GFM1: variants seen among roughly 807,000 people sequenced by gnomAD.
GFM1 encodes G elongation factor mitochondrial 1.
In GFM1, 62 loss-of-function variants were observed where a neutral mutation model predicts 96.2. The ratio of observed to expected loss-of-function variants is 0.64; its 90% CI spans 0.53 to 0.80. The LOEUF is 0.80. Ranked by LOEUF, GFM1 falls within the 30% of genes least tolerant of loss-of-function variation. The pLI is 0.00. For missense variants in GFM1, 852 were observed against 916.6 expected, an observed-to-expected ratio of 0.93 and a Z score of 0.91; for synonymous variants, 282 against 312.9, an observed-to-expected ratio of 0.90 and a Z score of 1.04.
chr3:158,669,973 T>TA (rs1197138648), intron 13 of GFM1, among the ~76,000 whole-genome samples: 2 of 152,222 alleles, frequency 1.3e-5, no homozygotes. Context: ...CCATTACTCT[T>TA]ACTCTTTGCT....
chr3:158,681,000 G>A (rs1725331638), intron 13 of GFM1, among the ~76,000 whole-genome samples: 1 of 152,112 alleles, frequency 6.6e-6, no homozygotes, highest in African/African-American at 2.4e-5. Flanking sequence ...GTTGACAAAT[G>A]GAAAACATGA....
In GFM1 at chr3:158,687,031, C is replaced by A. The variant is rs140121809; in HGVS notation, c.1909+2363C>A. On this transcript the variant is annotated intron_variant, in intron 15 of 17. Coordinates refer to ENST00000486715, the MANE Select transcript of GFM1 (RefSeq NM_024996.7). ...TACTTTTCTATTTTTGAGACAGGTT[C>A]TTGCTCTGTCACCCAGGCTGGAGTG... Among the ~76,000 whole-genome samples, 504 of 152,200 alleles carry A rather than the reference C, an allele frequency of 3.3e-3. 3 individuals carry two copies. Among genetic ancestry groups the A allele is most frequent in the African/African-American group, 0.011 (465 of 41,534 alleles).
intron 11 of GFM1, among the ~76,000 whole-genome samples, chr3:158,664,310 C>T (rs758754889): frequency 6.6e-6 from 1 of 152,202 alleles, no homozygotes; most frequent in Non-Finnish European, 1.5e-5. Context: ...GATAGCTGTT[C>T]TCAAAGGGCT....
chr3:158,678,196 A>G (rs1183462960), intron 13 of GFM1, among the ~76,000 whole-genome samples: 1 of 152,204 alleles, frequency 6.6e-6, no homozygotes, highest in African/African-American at 2.4e-5. Flanking sequence ...GGAGATGTAC[A>G]AAGAGATTAA....
Position 158,681,545 on chromosome 3 carries a change from TAATGCCCAAGGAATAAA to T in GFM1, c.1602-448_1602-432del, listed in dbSNP as rs554044868. Among the ~76,000 whole-genome samples, 856 of 152,276 alleles carry T rather than the reference TAATGCCCAAGGAATAAA, an allele frequency of 5.6e-3. 14 individuals carry two copies. The highest frequency in any genetic ancestry group is 0.02 in the African/African-American group (827 of 41,562). On this transcript the variant is annotated intron_variant, in intron 13 of 17. Transcript: ENST00000486715. ...CCTTTTCTTGTATTGCCTGAGTCTA[TAATGCCCAAGGAATAAA>T]ATCAAATAGGAACTATCTGAATAAA...
chr3:158,667,341 G>C (rs959584261), intron 13 of GFM1, among the ~76,000 whole-genome samples: 2 of 152,088 alleles, frequency 1.3e-5, no homozygotes, highest in African/African-American at 4.8e-5. Context: ...AAGTTGTGGT[G>C]GCTACTTAAG....
At chr3:158,684,902 G>C in intron 15 of GFM1, 1 of 443,152 alleles carries the variant, frequency 2.3e-6, no homozygotes, top group Non-Finnish European at 4.0e-6. Context: ...TTTCTTTCAT[G>C]TATTTGAATT....
chr3:158,649,047 A>T lies in GFM1; in HGVS notation c.579A>T (p.Lys193Asn). 1 of 1,454,976 alleles carries T rather than the reference A, an allele frequency of 6.9e-7. No individual in the cohort carries two copies. The highest frequency in any genetic ancestry group is 9.7e-7 in the Non-Finnish European group (1 of 1,035,342). 90.1% of individuals were successfully genotyped at this position (1,454,976 alleles called of 1,614,324 possible). A position where few individuals can be genotyped will look rare whatever the true frequency, so the allele number is the denominator to read the frequency against. The change falls in exon 5 of 18, where the codon AAA becomes AAT. Residue 193 changes from lysine to asparagine, a missense_variant. By Grantham distance (94) the Lys-to-Asn change is moderately conservative. Coordinates refer to ENST00000486715, the MANE Select transcript of GFM1 (RefSeq NM_024996.7). ...GTGTATTTTTATTTTTCAGGTCTAA[A>T]CTAAATCATAATGCAGCGTTTATGC... The part of the protein sequence containing the change: ...PARALQQMRS[K>N]LNHNAAFMQI...
chr3:158,645,633 A>G lies in GFM1; in HGVS notation c.86A>G (p.Asn29Ser). Residue 29 changes from asparagine (N) to serine (S), a missense_variant, in exon 2 of 18, where the codon AAT becomes AGT. Asn to Ser is a conservative substitution (Grantham distance 46, BLOSUM62 1). Coordinates refer to ENST00000486715, the MANE Select transcript of GFM1 (RefSeq NM_024996.7). Reference sequence around the variant, plus strand: ...GAGCTCTCGTATTTTTTTCAGGTTAATTGGAAGGCCTGCCGATGGTCTTCA... The same window carrying G: ...GAGCTCTCGTATTTTTTTCAGGTTAGTTGGAAGGCCTGCCGATGGTCTTCA... ...ASLGWQRKQV[N>S]WKACRWSSSG... 6.2e-7 allele frequency: 1 copy of G among 1,612,630 alleles called. No homozygotes were observed. Among genetic ancestry groups the G allele is most frequent in the Non-Finnish European group, 8.5e-7 (1 of 1,178,680 alleles).
At position 158,674,710 on chromosome 3, in the gene GFM1, C is replaced by G. The variant is rs549964826; in HGVS notation, c.1602-7285C>G. 4.6e-5 allele frequency among the ~76,000 whole-genome samples: 7 copies of G among 152,242 alleles called. No individual in the cohort carries two copies. The South Asian group carries it at 1.5e-3, about 32-fold the overall frequency. ...ATGGCTTATATTTAAGCTTTTTCCT[C>G]TCTCCTTGAAAAGAAAAGATAATTA... On this transcript the variant is annotated intron_variant, in intron 13 of 17. Coordinates refer to ENST00000486715, the MANE Select transcript of GFM1 (RefSeq NM_024996.7).
intron 15 of GFM1, 54 bp from the exon 16 acceptor site, chr3:158,690,109 G>A (rs1726181968): frequency 6.2e-6 from 9 of 1,453,676 alleles, no homozygotes; most frequent in Non-Finnish European, 8.7e-6. Context: ...TATCTGGACA[G>A]AAGAGTTGTA....
At chr3:158,661,732 G>C (rs1723213330) in intron 10 of GFM1, among the ~76,000 whole-genome samples, 2 of 152,160 alleles carry the variant, frequency 1.3e-5, no homozygotes, top group Non-Finnish European at 2.9e-5. Flanking sequence ...TGAGTACATA[G>C]GGTGACAGGT....
At position 158,645,934 on chromosome 3, in the gene GFM1, G is replaced by C. The variant is rs1411499999; in HGVS notation, c.234+153G>C. 4 of 860,566 alleles carry C rather than the reference G, an allele frequency of 4.6e-6. No homozygotes were observed. In the East Asian group the frequency reaches 7.7e-5, roughly 17 times the overall value. The allele number at this position is 860,566 out of a possible 1,614,324, so 53.3% of individuals were successfully genotyped here. A position where few individuals can be genotyped will look rare whatever the true frequency, so the allele number is the denominator to read the frequency against. On this transcript the variant is annotated intron_variant, in intron 2 of 17. Transcript: ENST00000486715. ...CTTATCTGAAAGTTGCTTAAGTTAA[G>C]TATCTGTGTTCTGGTTTTATTTTTA... is the stretch of plus-strand genomic sequence containing the variant.
intron 11 of GFM1, among the ~76,000 whole-genome samples, chr3:158,663,841 A>C (rs1490371043): frequency 6.6e-6 from 1 of 152,220 alleles, no homozygotes; most frequent in Non-Finnish European, 1.5e-5. Context: ...GTATGCATTA[A>C]AAAGTTTAAA....
chr3:158,676,591 A>G (rs1323557854), intron 13 of GFM1, among the ~76,000 whole-genome samples: 1 of 152,056 alleles, frequency 6.6e-6, no homozygotes, highest in East Asian at 1.9e-4. Flanking sequence ...AAACAGACAT[A>G]CCTCATTTTA....
At chr3:158,674,096 T>C (rs1008474677) in intron 13 of GFM1, among the ~76,000 whole-genome samples, 3 of 151,418 alleles carry the variant, frequency 2.0e-5, no homozygotes, top group Admixed American at 6.6e-5. Flanking sequence ...TTTTTTTTTT[T>C]TGGAGACAGA....
chr3:158,676,208 G>T (rs1202633093), intron 13 of GFM1, among the ~76,000 whole-genome samples: 1 of 152,108 alleles, frequency 6.6e-6, no homozygotes, highest in East Asian at 1.9e-4. Context: ...AGGAGGTTGC[G>T]ATGAGCCGAG....
chr3:158,668,209 TGTA>T (rs1340066556), intron 13 of GFM1, among the ~76,000 whole-genome samples: 1 of 152,178 alleles, frequency 6.6e-6, no homozygotes, highest in African/African-American at 2.4e-5. Flanking sequence ...CATAAAACAG[TGTA>T]GTATTTGCGT....
At chr3:158,644,741 C>G in intron 1 of GFM1, 26 bp downstream of exon 1, 1 of 1,543,542 alleles carries the variant, frequency 6.5e-7, no homozygotes, top group East Asian at 2.4e-5. Context: ...GAGGCTAAAT[C>G]GGGACCATTC....
Sources: allele counts gnomAD v4.1 joint callset (sites outside exome capture counted in the v4.1 genomes callset), GRCh38; gene constraint gnomAD v4.1.1; transcripts MANE v1.5; gene names NCBI Gene and HGNC (gene_info 2026-07-23, HGNC 2026-07-21).